The following NUP58 variants were observed in gnomAD, a reference collection of about 807,000 sequenced individuals.
NUP58 encodes the protein nucleoporin 58.
NUP58 carries 17 observed loss-of-function variants against 70.1 expected under a neutral mutation model. The ratio of observed to expected loss-of-function variants is 0.24; its 90% confidence interval spans 0.17 to 0.36. The LOEUF (loss-of-function observed/expected upper bound fraction) is 0.36. Ranked by LOEUF, NUP58 falls within the 10% of genes least tolerant of loss-of-function variation. The probability of loss-of-function intolerance (pLI) is 1.00; values close to 1 mark genes in which losing one functional copy is unlikely to be tolerated. For synonymous variants in NUP58, 275 were observed against 257.6 expected, an observed-to-expected ratio of 1.07 and a Z score of -0.65; for missense variants, 644 against 701.5, an observed-to-expected ratio of 0.92 and a Z score of 0.93.
chr13:25,314,142 A>T (rs2030813816), intron 5 of NUP58, among the ~76,000 whole-genome samples: 1 of 152,074 alleles, frequency 6.6e-6, no homozygotes, highest in Non-Finnish European at 1.5e-5. Context: ...CATGTTGGCC[A>T]AGCTGGTCTC....
At chr13:25,322,981 C>T (rs1052617995) in intron 9 of NUP58, among the ~76,000 whole-genome samples, 3 of 151,950 alleles carry the variant, frequency 2.0e-5, no homozygotes, top group Admixed American at 1.3e-4. Flanking sequence ...GAGGCAAACT[C>T]GAAAGAAAGA....
intron 13 of NUP58, chr13:25,332,096 C>T (rs1329493927): frequency 1.0e-6 from 1 of 991,000 alleles, no homozygotes; most frequent in African/African-American, 1.7e-5. Context: ...GAATACAAGC[C>T]CTCTAAACCA....
chr13:25,322,124 G>T (rs534617902), intron 9 of NUP58, among the ~76,000 whole-genome samples: 11 of 152,304 alleles, frequency 7.2e-5, no homozygotes, highest in African/African-American at 2.6e-4. Context: ...CATCATAGCA[G>T]TCTAGAAATC....
downstream of NUP58, among the ~76,000 whole-genome samples, chr13:25,347,239 C>G (rs1482086180): frequency 6.6e-6 from 1 of 152,110 alleles, no homozygotes; most frequent in Non-Finnish European, 1.5e-5. Flanking sequence ...GATTCTCAAC[C>G]TGTATTTGCA....
At chr13:25,331,801 G>A in intron 13 of NUP58, 4 of 1,327,580 alleles carry the variant, frequency 3.0e-6, no homozygotes, top group Non-Finnish European at 3.9e-6. Flanking sequence ...GTTATTTGCT[G>A]TAATGCTATA....
In NUP58 at chr13:25,309,301, AG is replaced by A; in HGVS notation, c.286+20del. The A allele has an allele frequency of 6.3e-7, 1 of 1,582,110 alleles. No individual in the cohort carries two copies. Among genetic ancestry groups the A allele is most frequent in the South Asian group, 1.1e-5 (1 of 89,946 alleles). ...ACTCTGGGTAAGAATTTTTGAGGAA[AG>A]ATCCCAGCTCTGTGGTCTTCTAATA... On this transcript the variant is annotated intron_variant, in intron 3 of 15. Transcript: ENST00000381736.
At chr13:25,323,760 C>T (rs1000744814) in intron 9 of NUP58, among the ~76,000 whole-genome samples, 15 of 152,000 alleles carry the variant, frequency 9.9e-5, no homozygotes, top group Admixed American at 5.2e-4. Context: ...AAGTGGGGGC[C>T]GCATGGTTTA....
rs2031935923 is a variant in NUP58 at position 25,340,929 on chromosome 13, A to G, written c.*795A>G. 2 of 151,878 alleles carry G rather than the reference A, an allele frequency of 1.3e-5. No homozygotes were observed. The highest frequency in any genetic ancestry group is 4.2e-4 in the South Asian group (2 of 4,816). 9.4% of individuals were successfully genotyped at this position (151,878 alleles called of 1,614,324 possible). On this transcript the variant is annotated 3_prime_UTR_variant, in exon 16 of 16. Transcript: ENST00000381736. ...GCAAAACTCCGTCTCAAAAAAGATG[A>G]AAATAAAATAAAATATATATTTACA...
At chr13:25,338,813 T>G (rs2031868843) in intron 15 of NUP58, 82 bp downstream of exon 15, 4 of 1,254,342 alleles carry the variant, frequency 3.2e-6, no homozygotes, top group Non-Finnish European at 4.6e-6. Flanking sequence ...TTATTTCCAG[T>G]AACCCAAAAA....
intron 6 of NUP58, among the ~76,000 whole-genome samples, chr13:25,316,338 T>G (rs1485305865): frequency 6.6e-6 from 1 of 152,172 alleles, no homozygotes; most frequent in Non-Finnish European, 1.5e-5. Flanking sequence ...GAAAGCATGT[T>G]TCACTAGAAT....
chr13:25,334,327 G>C, intron 13 of NUP58: 1 of 985,304 alleles, frequency 1.0e-6, no homozygotes, highest in Non-Finnish European at 1.2e-6. Context: ...TTTTGCTATT[G>C]TGTTTTGACA....
intron 13 of NUP58, chr13:25,334,793 C>T (rs990062637): frequency 2.0e-6 from 2 of 984,382 alleles, no homozygotes; most frequent in Non-Finnish European, 2.4e-6. Context: ...AGCGCTAAAC[C>T]TGGTTTTGTT....
chr13:25,308,674 G>A (rs945269553), intron 2 of NUP58, among the ~76,000 whole-genome samples: 3 of 152,072 alleles, frequency 2.0e-5, no homozygotes, highest in African/African-American at 7.2e-5. Context: ...TGGGAAAAGG[G>A]CAATAGGTAA....
Position 25,339,376 on chromosome 13 carries a change from TCAG to T in NUP58, c.1631-585_1631-583del, listed in dbSNP as rs1458934490. On this transcript the variant is annotated intron_variant, in intron 15 of 15. Coordinates refer to ENST00000381736, the MANE Select transcript of NUP58 (RefSeq NM_014089.4). The stretch of plus-strand genomic sequence containing the variant: ...TGAAGGAATTAAGTAGCGTTTAAAA[TCAG>T]CAGTTCCAGTGGAGGAAGATAATAA... Among the ~76,000 whole-genome samples the T allele has an allele frequency of 3.9e-5, 6 of 152,216 alleles. No homozygotes were observed. In the South Asian group the frequency reaches 6.2e-4, roughly 16 times the overall value.
Position 25,321,639 on chromosome 13 carries a change from G to A in NUP58, c.951+546G>A, listed in dbSNP as rs554479751. On this transcript the variant is annotated intron_variant, in intron 9 of 15. Transcript: ENST00000381736. ...AATCTTAGTTTAAAAATAGTAGGCCGGCCCTAGTGGCCCAATCCTATAATC... is the reference window on the plus strand; with the variant it reads ...AATCTTAGTTTAAAAATAGTAGGCCAGCCCTAGTGGCCCAATCCTATAATC... Among the ~76,000 whole-genome samples the A allele has an allele frequency of 3.9e-5, 6 of 152,236 alleles. No individual in the cohort carries two copies. In the South Asian group the frequency reaches 1.0e-3, roughly 26 times the overall value.
intron 5 of NUP58, among the ~76,000 whole-genome samples, chr13:25,314,222 C>T (rs1041404062): frequency 6.6e-6 from 1 of 152,130 alleles, no homozygotes; most frequent in Admixed American, 6.5e-5. Flanking sequence ...CGTAAGCCAC[C>T]GCACCCAGCC....
chr13:25,301,970 C>T (rs1471258000), intron 1 of NUP58, 90 bp downstream of exon 1: 5 of 820,450 alleles, frequency 6.1e-6, no homozygotes, highest in Non-Finnish European at 3.8e-6. Context: ...TGTCTCTTCC[C>T]TCTGGCTTCC....
intron 12 of NUP58, among the ~76,000 whole-genome samples, chr13:25,330,959 A>G (rs921962755): frequency 7.2e-5 from 11 of 152,144 alleles, no homozygotes; most frequent in Non-Finnish European, 1.5e-4. Context: ...GTTTTAATCA[A>G]AAGGCTATGA....
downstream of NUP58, among the ~76,000 whole-genome samples, chr13:25,344,545 C>T (rs911945057): frequency 3.3e-5 from 5 of 152,070 alleles, no homozygotes; most frequent in Non-Finnish European, 7.4e-5. Flanking sequence ...TGTGGGGAGG[C>T]TATTCTAGGA....
Sources: allele counts gnomAD v4.1 joint callset (sites outside exome capture counted in the v4.1 genomes callset), GRCh38; gene constraint gnomAD v4.1.1; transcripts MANE v1.5; gene names NCBI Gene and HGNC (gene_info 2026-07-23, HGNC 2026-07-21).